The following DLGAP1 variants were observed in gnomAD, a reference collection of about 807,000 sequenced individuals.
DLGAP1 encodes the protein DLG associated protein 1.
In DLGAP1, 11 loss-of-function variants were observed where a neutral mutation model predicts 90.8. That is an observed-to-expected ratio of 0.12 (90% CI 0.08 to 0.20). The LOEUF (loss-of-function observed/expected upper bound fraction) is 0.20. DLGAP1 is among the 10% of genes least tolerant of loss of function. The probability of loss-of-function intolerance (pLI) is 1.00; values close to 1 mark genes in which losing one functional copy is unlikely to be tolerated. For missense variants in DLGAP1, 1,050 were observed against 1,333.8 expected (o/e 0.79, Z 3.31); for synonymous variants, 558 against 540.7 (o/e 1.03, Z -0.44).
chr18:4,197,424 T>A (rs2077521819), intron 1 of DLGAP1, among the ~76,000 whole-genome samples: 1 of 152,040 alleles, frequency 6.6e-6, no homozygotes, highest in Non-Finnish European at 1.5e-5. Context: ...GCATCTAGAA[T>A]GGTAGACAAA....
intron 7 of DLGAP1, among the ~76,000 whole-genome samples, chr18:3,583,098 G>A (rs1352166654): frequency 3.3e-5 from 5 of 151,046 alleles, no homozygotes; most frequent in Non-Finnish European, 5.9e-5. Context: ...GTGAGCCACC[G>A]GGCCCGGCCA....
At chr18:4,212,243 A>G (rs2077857871) in intron 1 of DLGAP1, among the ~76,000 whole-genome samples, 2 of 152,202 alleles carry the variant, frequency 1.3e-5, no homozygotes, top group Non-Finnish European at 2.9e-5. Flanking sequence ...AATGACTTTG[A>G]GATGAGTCCT....
chr18:3,868,099 C>G (rs2148780145), intron 4 of DLGAP1, among the ~76,000 whole-genome samples: 1 of 152,260 alleles, frequency 6.6e-6, no homozygotes, highest in East Asian at 1.9e-4. Flanking sequence ...GGAAAATCAG[C>G]TATTTATAGG....
chr18:3,548,266 T>C (rs1371890750), intron 9 of DLGAP1, among the ~76,000 whole-genome samples: 1 of 122,576 alleles, frequency 8.2e-6, no homozygotes, highest in African/African-American at 4.4e-5. Flanking sequence ...TGTATCTTAG[T>C]ATAATTTTTC....
chr18:4,400,198 C>T (rs907066909), intron 1 of DLGAP1, among the ~76,000 whole-genome samples: 2 of 152,288 alleles, frequency 1.3e-5, no homozygotes, highest in Admixed American at 6.5e-5. Flanking sequence ...ATCTCCCCAG[C>T]AGCCAAGCAT....
chr18:3,937,266 T>A (rs1171805299), intron 3 of DLGAP1, among the ~76,000 whole-genome samples: 1 of 152,146 alleles, frequency 6.6e-6, no homozygotes, highest in African/African-American at 2.4e-5. Context: ...GGGTAATTTG[T>A]AAAGGAGAGA....
chr18:3,916,882 C>T (rs2072156508), intron 3 of DLGAP1, among the ~76,000 whole-genome samples: 9 of 152,186 alleles, frequency 5.9e-5, no homozygotes, highest in Admixed American at 5.9e-4. Context: ...TGCACATACA[C>T]TATACAGACA....
chr18:3,520,251 C>T (rs1272462991), intron 10 of DLGAP1, among the ~76,000 whole-genome samples: 5 of 152,088 alleles, frequency 3.3e-5, no homozygotes, highest in Non-Finnish European at 7.3e-5. Context: ...ACCCTGAGGC[C>T]TTGCTGTGTG....
intron 7 of DLGAP1, among the ~76,000 whole-genome samples, chr18:3,649,967 T>C (rs1298683115): frequency 3.9e-5 from 6 of 152,160 alleles, no homozygotes; most frequent in Non-Finnish European, 8.8e-5. Flanking sequence ...GCTCCACCTC[T>C]GCCATTTCAG....
At chr18:4,262,059 T>C (rs72860684) in intron 1 of DLGAP1, among the ~76,000 whole-genome samples, 2,704 of 152,328 alleles carry the variant, frequency 0.018, 37 homozygotes, top group Non-Finnish European at 0.026. Context: ...CTAAGATTTC[T>C]TCCAATCCTA....
chr18:3,832,253 T>C (rs967362617), intron 4 of DLGAP1, among the ~76,000 whole-genome samples: 3 of 152,254 alleles, frequency 2.0e-5, no homozygotes, highest in African/African-American at 7.2e-5. Context: ...TCAGTGATGA[T>C]GTTTTTCCTA....
intron 1 of DLGAP1, among the ~76,000 whole-genome samples, chr18:4,369,309 A>G (rs1490523167): frequency 2.7e-5 from 4 of 148,560 alleles, no homozygotes; most frequent in African/African-American, 7.6e-5. Flanking sequence ...GTGTGTGTGT[A>G]TTTCAGTGAA....
intron 1 of DLGAP1, among the ~76,000 whole-genome samples, chr18:4,218,984 T>C (rs1349862450): frequency 2.0e-5 from 3 of 151,162 alleles, no homozygotes; most frequent in African/African-American, 2.4e-5. Flanking sequence ...CTTTTAGATA[T>C]ATACCAAGTG....
At chr18:3,596,602 T>G in intron 7 of DLGAP1, 1 of 257,222 alleles carries the variant, frequency 3.9e-6, no homozygotes, top group Non-Finnish European at 7.6e-6. Flanking sequence ...AATGAAAGGA[T>G]GGAAGAATTA....
At chr18:3,900,887 A>C (rs2148879626) in intron 3 of DLGAP1, among the ~76,000 whole-genome samples, 1 of 152,286 alleles carries the variant, frequency 6.6e-6, no homozygotes, top group South Asian at 2.1e-4. Flanking sequence ...ATTCTGTCCA[A>C]GCCACCTCGC....
Position 3,729,471 on chromosome 18 carries a change from C to T in DLGAP1, c.1351-96G>A, listed in dbSNP as rs1049117172. ...GAACTTCAATCCCCAGAAGAAAAAG[C>T]AGCGTCTGGTTAGATTAAGCTCAAA... On this transcript the variant is annotated intron_variant, in intron 6 of 12. Transcript: ENST00000315677. The surrounding 1 kb of genome is among the most constrained non-coding windows in gnomAD (Gnocchi z 6.2). 3 of 1,499,084 alleles carry T rather than the reference C, an allele frequency of 2.0e-6. No individual in the cohort carries two copies. The highest frequency in any genetic ancestry group is 2.8e-5 in the African/African-American group (2 of 71,920). 92.9% of individuals were successfully genotyped at this position (1,499,084 alleles called of 1,614,324 possible). A position where few individuals can be genotyped will look rare whatever the true frequency, so the allele number is the denominator to read the frequency against.
intron 1 of DLGAP1, among the ~76,000 whole-genome samples, chr18:4,321,536 C>T (rs751429834): frequency 6.6e-5 from 10 of 152,302 alleles, no homozygotes; most frequent in Non-Finnish European, 1.3e-4. Context: ...CCCACAGATC[C>T]TATTCACATT....
intron 7 of DLGAP1, among the ~76,000 whole-genome samples, chr18:3,591,398 T>C (rs536958012): frequency 6.6e-6 from 1 of 152,220 alleles, no homozygotes; most frequent in East Asian, 1.9e-4. Flanking sequence ...ATTAGAAGTA[T>C]GGACCTAGGC....
intron 7 of DLGAP1, among the ~76,000 whole-genome samples, chr18:3,638,247 CTTTTT>C (rs541911033): frequency 3.1e-5 from 4 of 129,878 alleles, no homozygotes; most frequent in Admixed American, 7.8e-5. Flanking sequence ...GTGCCCGGCC[CTTTTT>C]TTTTTTTTTT....
Sources: gnomAD v4.1 joint callset for allele counts (sites outside exome capture counted in the v4.1 genomes callset) on GRCh38, gnomAD v4.1.1 for gene constraint, Gnocchi (gnomAD v3.1) non-coding constraint, MANE v1.5 for transcripts, NCBI Gene and HGNC (gene_info 2026-07-23, HGNC 2026-07-21) for gene names.